The following ATF6 variants were observed in gnomAD, a reference collection of about 807,000 sequenced individuals.
The protein encoded by ATF6 is activating transcription factor 6.
A neutral mutation model predicts 83.6 loss-of-function variants in ATF6; 53 were observed. The ratio of observed to expected loss-of-function variants is 0.63; its 90% CI spans 0.51 to 0.80. The LOEUF (loss-of-function observed/expected upper bound fraction) is 0.80, where lower values mean the gene tolerates loss of function less well. ATF6 is among the 30% of genes least tolerant of loss of function. ATF6 has a pLI of 0.00. For synonymous variants in ATF6, 288 were observed against 285.8 expected (o/e 1.01, Z -0.08); for missense variants, 744 against 797.9 (o/e 0.93, Z 0.81).
intron 15 of ATF6, 89 bp from the exon 16 acceptor site, chr1:161,958,357 G>A: frequency 7.5e-7 from 1 of 1,336,252 alleles, no homozygotes. Context: ...CACCCTTAAA[G>A]CACATTTCTG....
rs549683613 is a variant in ATF6, at chr1:161,920,701, C to T, written c.1804+8321C>T. ...TCAACGGCTTAAGAGTGGCTAAGGC[C>T]GAGATTGCAGAAATTCTTTTGGCCT... On this transcript the variant is annotated intron_variant, in intron 15 of 15. Coordinates refer to ENST00000367942, the MANE Select transcript of ATF6 (RefSeq NM_007348.4). Among the ~76,000 whole-genome samples, 14 of 151,766 alleles carry T rather than the reference C, an allele frequency of 9.2e-5. No homozygotes were observed. In the East Asian group the frequency reaches 1.8e-3, roughly 19 times the overall value.
intron 12 of ATF6, among the ~76,000 whole-genome samples, chr1:161,854,953 G>A (rs758303951): frequency 6.6e-6 from 1 of 152,208 alleles, no homozygotes; most frequent in Non-Finnish European, 1.5e-5. Flanking sequence ...CCTCAGGAAG[G>A]AACATGAAGA....
intron 15 of ATF6, among the ~76,000 whole-genome samples, chr1:161,940,883 C>T (rs1432947319): frequency 1.3e-5 from 2 of 152,084 alleles, no homozygotes; most frequent in African/African-American, 4.8e-5. Flanking sequence ...TTTGTCATCT[C>T]TCCACCTCCC....
chr1:161,867,772 A>G (rs574015884), intron 14 of ATF6, among the ~76,000 whole-genome samples: 32 of 152,324 alleles, frequency 2.1e-4, no homozygotes, highest in Non-Finnish European at 3.1e-4. Context: ...GTGTCTTTTC[A>G]TCAGTTTCAA....
chr1:161,794,226 A>G lies in ATF6; in HGVS notation c.688+1899A>G, dbSNP rs1264946564. On this transcript the variant is annotated intron_variant, in intron 6 of 15. Coordinates refer to ENST00000367942, the MANE Select transcript of ATF6 (RefSeq NM_007348.4). ...GTGCCTTGTCTGTTTTTATAGTACA[A>G]TCTAAATAGGTGGTATTATTATAAT... 2.0e-5 allele frequency among the ~76,000 whole-genome samples: 3 copies of G among 152,188 alleles called. 1 individual carries two copies. The highest frequency in any genetic ancestry group is 4.4e-5 in the Non-Finnish European group (3 of 67,992).
intron 1 of ATF6, among the ~76,000 whole-genome samples, chr1:161,777,743 A>G (rs1231141437): frequency 2.6e-5 from 4 of 152,330 alleles, no homozygotes; most frequent in South Asian, 2.1e-4. Context: ...AATGAATTTG[A>G]TGGTTTAGAT....
intron 7 of ATF6, among the ~76,000 whole-genome samples, chr1:161,807,464 CATG>C (rs550869613): frequency 2.8e-4 from 43 of 152,166 alleles, no homozygotes; most frequent in African/African-American, 8.9e-4. Context: ...AAGTTGAGAT[CATG>C]ATATTTCTTT....
rs1296876274 is a variant in ATF6, at chr1:161,963,908, G to A, written c.*5254G>A. 1.3e-5 allele frequency: 2 copies of A among 152,138 alleles called. No individual in the cohort carries two copies. The highest frequency in any genetic ancestry group is 4.8e-5 in the African/African-American group (2 of 41,434). 9.4% of individuals were successfully genotyped at this position (152,138 alleles called of 1,614,324 possible). On this transcript the variant is annotated 3_prime_UTR_variant, in exon 16 of 16. Transcript: ENST00000367942. ...GTTGTACCCATGCCAATTGAAGAAC[G>A]TGTTAAAGATGAGGAGGAGAGATGT...
chr1:161,864,494 A>G (rs1686949951), intron 14 of ATF6, among the ~76,000 whole-genome samples: 1 of 152,206 alleles, frequency 6.6e-6, no homozygotes, highest in African/African-American at 2.4e-5. Flanking sequence ...TGTCACTGAA[A>G]TTCTCAGTTA....
chr1:161,916,063 T>C (rs894433970), intron 15 of ATF6, among the ~76,000 whole-genome samples: 4 of 152,230 alleles, frequency 2.6e-5, no homozygotes, highest in African/African-American at 9.6e-5. Context: ...TGATTCTGTC[T>C]TCTTTTCACC....
chr1:161,825,301 CGAA>C (rs908690349), intron 9 of ATF6, among the ~76,000 whole-genome samples: 1 of 152,222 alleles, frequency 6.6e-6, no homozygotes, highest in Middle Eastern at 3.4e-3. Context: ...CTTGGCCTTC[CGAA>C]GTGCTGGGAT....
intron 4 of ATF6, among the ~76,000 whole-genome samples, chr1:161,791,062 A>G (rs12046823): frequency 0.1 from 13,738 of 136,970 alleles, 1,190 homozygotes; most frequent in East Asian, 0.31. Context: ...CAAGTTTTAT[A>G]TGTGTGTGTG....
chr1:161,916,276 T>A (rs1476321602), intron 15 of ATF6, among the ~76,000 whole-genome samples: 1 of 152,202 alleles, frequency 6.6e-6, no homozygotes, highest in Non-Finnish European at 1.5e-5. Context: ...TTCTTATTTT[T>A]AAAAATTTCA....
intron 7 of ATF6, among the ~76,000 whole-genome samples, chr1:161,810,866 C>T (rs1274815092): frequency 6.6e-6 from 1 of 151,862 alleles, no homozygotes; most frequent in Non-Finnish European, 1.5e-5. Flanking sequence ...CACTATGTGC[C>T]CTTTTGTGTA....
chr1:161,772,775 A>C lies in ATF6; in HGVS notation c.83-5469A>C, dbSNP rs531808618. Among the ~76,000 whole-genome samples, 18 of 151,556 alleles carry C rather than the reference A, an allele frequency of 1.2e-4. No individual in the cohort carries two copies. In the South Asian group the frequency reaches 3.3e-3, roughly 28 times the overall value. On this transcript the variant is annotated intron_variant, in intron 1 of 15. Coordinates refer to ENST00000367942, the MANE Select transcript of ATF6 (RefSeq NM_007348.4). ...TCTAGCTAGAGTTAAAAAAAAAAAA[A>C]ACAAAACCAACAAACTCAAAACTCT...
chr1:161,816,409 C>T (rs1385354310), intron 7 of ATF6, among the ~76,000 whole-genome samples: 1 of 152,186 alleles, frequency 6.6e-6, no homozygotes, highest in Non-Finnish European at 1.5e-5. Flanking sequence ...TTCAGACAGG[C>T]ACATAATTAA....
At chr1:161,800,320 A>G (rs1375445400) in intron 6 of ATF6, among the ~76,000 whole-genome samples, 1 of 152,166 alleles carries the variant, frequency 6.6e-6, no homozygotes, top group East Asian at 1.9e-4. Context: ...TCTCATACAC[A>G]TAGCCTGAAG....
At chr1:161,866,059 T>TC (rs1439946701) in intron 14 of ATF6, among the ~76,000 whole-genome samples, 1 of 152,206 alleles carries the variant, frequency 6.6e-6, no homozygotes, top group Non-Finnish European at 1.5e-5. Flanking sequence ...GTAGACTTTT[T>TC]CTCCCACTTA....
chr1:161,892,154 A>G (rs1687570289), intron 14 of ATF6: 1 of 152,162 alleles, frequency 6.6e-6, no homozygotes, highest in Non-Finnish European at 1.5e-5. Context: ...GTATGCCTCC[A>G]GTTTAACAGA....
Sources: gnomAD v4.1 joint callset for allele counts (sites outside exome capture counted in the v4.1 genomes callset) on GRCh38, gnomAD v4.1.1 for gene constraint, MANE v1.5 for transcripts, NCBI Gene and HGNC (gene_info 2026-07-23, HGNC 2026-07-21) for gene names.